The following SLC9A9 variants were observed in gnomAD, a reference collection of about 807,000 sequenced individuals.
SLC9A9 encodes solute carrier family 9 member A9.
In SLC9A9, 62 loss-of-function variants were observed where a neutral mutation model predicts 77.8. That is an observed-to-expected ratio of 0.80 (90% CI 0.65 to 0.98). The LOEUF (loss-of-function observed/expected upper bound fraction) is 0.98, where lower values mean the gene tolerates loss of function less well. Among genes scored for constraint, SLC9A9 ranks in the 50% least tolerant of loss-of-function variants. The pLI, the probability that SLC9A9 is intolerant of heterozygous loss-of-function variation, is 0.00. For synonymous variants in SLC9A9, 320 were observed against 283.5 expected, an observed-to-expected ratio of 1.13 and a Z score of -1.29; for missense variants, 775 against 774.9, an observed-to-expected ratio of 1.00 and a Z score of 0.00.
rs182993296 is a variant in SLC9A9 at position 143,419,305 on chromosome 3, G to T, written c.1470-37191C>A. Among the ~76,000 whole-genome samples the T allele has an allele frequency of 2.7e-3, 416 of 152,182 alleles. 5 individuals are homozygous for T. In the South Asian group the frequency reaches 0.045, roughly 17 times the overall value. On this transcript the variant is annotated intron_variant, in intron 12 of 15. Transcript: ENST00000316549. ...CACAACAATCCCATTTTGCAGGGGG[G>T]GCACAGAGAGCTTAAGTAACTTGCA...
At chr3:143,442,472 A>G (rs962152939) in intron 12 of SLC9A9, among the ~76,000 whole-genome samples, 1 of 152,230 alleles carries the variant, frequency 6.6e-6, no homozygotes, top group Non-Finnish European at 1.5e-5. Flanking sequence ...CTGTAATCCC[A>G]GCACTTTGGG....
chr3:143,450,154 T>A (rs1310347070), intron 12 of SLC9A9, among the ~76,000 whole-genome samples: 1 of 129,956 alleles, frequency 7.7e-6, no homozygotes, highest in African/African-American at 2.9e-5. Context: ...TTAATATATA[T>A]TATATAATAT....
intron 4 of SLC9A9, among the ~76,000 whole-genome samples, chr3:143,737,574 G>A (rs1323725967): frequency 6.6e-6 from 1 of 151,804 alleles, no homozygotes; most frequent in East Asian, 1.9e-4. Context: ...TCTCAAATAT[G>A]TCCAGAATAA....
At chr3:143,427,657 T>C (rs987248801) in intron 12 of SLC9A9, among the ~76,000 whole-genome samples, 2 of 152,244 alleles carry the variant, frequency 1.3e-5, no homozygotes, top group Non-Finnish European at 2.9e-5. Context: ...AGCTGGCATT[T>C]CATCCTTAAA....
intron 13 of SLC9A9, among the ~76,000 whole-genome samples, chr3:143,366,318 C>T (rs1253767985): frequency 6.6e-6 from 1 of 152,156 alleles, no homozygotes; most frequent in Non-Finnish European, 1.5e-5. Context: ...TGCATTGTAC[C>T]TATTTTGCAC....
chr3:143,503,812 G>T, intron 9 of SLC9A9: 1 of 336,908 alleles, frequency 3.0e-6, no homozygotes, highest in Non-Finnish European at 5.8e-6. Flanking sequence ...CTAAGCAGTT[G>T]GTGACACAGG....
At chr3:143,841,421 T>G (rs951480644) in intron 1 of SLC9A9, among the ~76,000 whole-genome samples, 3 of 152,250 alleles carry the variant, frequency 2.0e-5, no homozygotes, top group Non-Finnish European at 4.4e-5. Context: ...ATAGCATAGT[T>G]TATATCAGGA....
chr3:143,747,308 G>A (rs2108821347), intron 4 of SLC9A9, among the ~76,000 whole-genome samples: 1 of 151,852 alleles, frequency 6.6e-6, no homozygotes, highest in South Asian at 2.1e-4. Flanking sequence ...GGAGGCTGAG[G>A]CAGGAGAATT....
chr3:143,566,801 C>G (rs2037176938), intron 8 of SLC9A9, among the ~76,000 whole-genome samples: 1 of 152,034 alleles, frequency 6.6e-6, no homozygotes, highest in Admixed American at 6.6e-5. Flanking sequence ...AAATCTTACT[C>G]TTTGGGTGTT....
At chr3:143,800,158 T>C (rs1189171626) in intron 2 of SLC9A9, among the ~76,000 whole-genome samples, 1 of 152,180 alleles carries the variant, frequency 6.6e-6, no homozygotes, top group African/African-American at 2.4e-5. Flanking sequence ...CTTCCCCTTG[T>C]ATCTTCCTAC....
At chr3:143,306,483 G>C (rs1256898217) in intron 14 of SLC9A9, among the ~76,000 whole-genome samples, 1 of 152,208 alleles carries the variant, frequency 6.6e-6, no homozygotes, top group Non-Finnish European at 1.5e-5. Context: ...CTGGCATGTA[G>C]TAAGCACTTG....
At chr3:143,303,728 A>G (rs1422419506) in intron 14 of SLC9A9, among the ~76,000 whole-genome samples, 1 of 152,186 alleles carries the variant, frequency 6.6e-6, no homozygotes, top group Non-Finnish European at 1.5e-5. Flanking sequence ...ACTTGACTCC[A>G]CCTTGTGCTA....
At chr3:143,340,979 T>A (rs1300799259) in intron 14 of SLC9A9, among the ~76,000 whole-genome samples, 7 of 152,232 alleles carry the variant, frequency 4.6e-5, no homozygotes, top group Non-Finnish European at 4.4e-5. Flanking sequence ...CTTTTGCTGG[T>A]AGCAGAACAA....
chr3:143,719,624 T>C, intron 4 of SLC9A9, among the ~76,000 whole-genome samples: 1 of 152,190 alleles, frequency 6.6e-6, no homozygotes, highest in East Asian at 1.9e-4. Context: ...TTCTTCTTCA[T>C]ATCTTCAACG....
intron 14 of SLC9A9, among the ~76,000 whole-genome samples, chr3:143,292,601 C>T (rs567025273): frequency 6.6e-6 from 1 of 152,214 alleles, no homozygotes; most frequent in Admixed American, 6.5e-5. Flanking sequence ...AGCTATAAAA[C>T]GAGGTGTGTG....
At chr3:143,745,228 A>G (rs748401119) in intron 4 of SLC9A9, among the ~76,000 whole-genome samples, 9 of 152,228 alleles carry the variant, frequency 5.9e-5, no homozygotes, top group Admixed American at 1.3e-4. Context: ...AATGAAAAAT[A>G]CTGATCACTG....
At chr3:143,636,040 C>A (rs1284767122) in intron 6 of SLC9A9, among the ~76,000 whole-genome samples, 1 of 152,046 alleles carries the variant, frequency 6.6e-6, no homozygotes, top group African/African-American at 2.4e-5. Context: ...GTAGAATAGG[C>A]TTAAAAATAT....
chr3:143,552,148 G>C (rs932784182), intron 9 of SLC9A9, among the ~76,000 whole-genome samples: 1 of 152,136 alleles, frequency 6.6e-6, no homozygotes, highest in Non-Finnish European at 1.5e-5. Flanking sequence ...TCTCAGGAGG[G>C]AGAGACTATT....
At chr3:143,781,450 T>A (rs534715380) in intron 4 of SLC9A9, among the ~76,000 whole-genome samples, 1 of 152,154 alleles carries the variant, frequency 6.6e-6, no homozygotes, top group South Asian at 2.1e-4. Flanking sequence ...ATACAGGCAA[T>A]TGTTATTATT....
Sources: allele counts gnomAD v4.1 joint callset (sites outside exome capture counted in the v4.1 genomes callset), GRCh38; gene constraint gnomAD v4.1.1; transcripts MANE v1.5; gene names NCBI Gene and HGNC (gene_info 2026-07-23, HGNC 2026-07-21).